TCN2: variants seen among roughly 807,000 people sequenced by gnomAD.
The protein encoded by TCN2 is transcobalamin 2, also known as transcobalamin-2.
In TCN2, 34 loss-of-function variants were observed where a neutral mutation model predicts 48.6. That is an observed-to-expected ratio of 0.70 (90% CI 0.53 to 0.93). The LOEUF is 0.93. Among genes scored for constraint, TCN2 ranks in the 40% least tolerant of loss-of-function variants. The pLI is 0.00. For missense variants in TCN2, 652 were observed against 526.1 expected (o/e 1.24, Z -2.34); for synonymous variants, 283 against 212.5 (o/e 1.33, Z -2.89).
chr22:30,618,646 C>T lies in TCN2; in HGVS notation c.1106+1151C>T, dbSNP rs111794001. On this transcript the variant is annotated intron_variant, in intron 7 of 8. Transcript: ENST00000215838. ...GATTACAGGCATGGGCCTCCGTGCC[C>T]GGCCATGTATTTATTTAGGCAAGGT... is the stretch of plus-strand genomic sequence containing the variant. 3.7e-3 allele frequency among the ~76,000 whole-genome samples: 556 copies of T among 149,786 alleles called. 2 individuals are homozygous for T. Among genetic ancestry groups the T allele is most frequent in the African/African-American group, 0.013 (524 of 40,748 alleles).
chr22:30,626,002 C>G (rs1238798171), intron 8 of TCN2, among the ~76,000 whole-genome samples: 1 of 152,164 alleles, frequency 6.6e-6, no homozygotes, highest in Non-Finnish European at 1.5e-5. Flanking sequence ...ACATCACCAA[C>G]AAGAGCAGCG....
Position 30,626,450 on chromosome 22 carries a change from G to C in TCN2, c.1223-10G>C. ...CAATTCGCCCCTCCTTGCTCAATCT[G>C]TTTCTGCAGGTATTGCTGACTACAG... is the stretch of plus-strand genomic sequence containing the variant. On this transcript the variant is annotated splice_polypyrimidine_tract_variant and intron_variant, in intron 8 of 8. Coordinates refer to ENST00000215838, the MANE Select transcript of TCN2 (RefSeq NM_000355.4). 1 of 1,614,132 alleles carries C rather than the reference G, an allele frequency of 6.2e-7. No homozygotes were observed.
Position 30,615,697 on chromosome 22 carries a change from C to T in TCN2, c.850C>T (p.Gln284Ter). 6 of 1,614,198 alleles carry T rather than the reference C, an allele frequency of 3.7e-6. No individual in the cohort carries two copies. Among genetic ancestry groups the T allele is most frequent in the Non-Finnish European group, 5.1e-6 (6 of 1,180,040 alleles). The change falls in exon 6 of 9, where the codon CAG becomes TAG. Residue 284 changes from glutamine to a stop codon, truncating the protein, a stop_gained. Coordinates refer to ENST00000215838, the MANE Select transcript of TCN2 (RefSeq NM_000355.4). LOFTEE classifies it high-confidence loss of function. Reference protein sequence around the residue: ...LLASLQDGAFQNALMISQLLP... With the variant: ...LLASLQDGAF ...GGCCAGTCTGCAGGATGGAGCCTTC[C>T]AGAATGCTCTCATGATTTCCCAGCT...
At position 30,622,920 on chromosome 22, in the gene TCN2, G is replaced by T. The variant is rs772598702; in HGVS notation, c.1107-48G>T. The T allele has an allele frequency of 2.5e-6, 4 of 1,595,590 alleles. No homozygotes were observed. The East Asian group carries it at 8.9e-5, about 36-fold the overall frequency. On this transcript the variant is annotated intron_variant, in intron 7 of 8. Coordinates refer to ENST00000215838, the MANE Select transcript of TCN2 (RefSeq NM_000355.4). ...TGGGTGAGCACTGCCTCTCCCCTTA[G>T]GGACAACAGCCACCTCTTCTCTCCC...
At chr22:30,615,158 C>T (rs2087593369) in intron 4 of TCN2, 143 bp from the exon 5 acceptor site, 1 of 834,574 alleles carries the variant, frequency 1.2e-6, no homozygotes, top group Non-Finnish European at 2.0e-6. Flanking sequence ...AGTTGGTGCC[C>T]TTAGCTGATC....
chr22:30,610,398 C>A, intron 1 of TCN2: 1 of 421,792 alleles, frequency 2.4e-6, no homozygotes, highest in Admixed American at 2.7e-5. Flanking sequence ...TTCAGCAGGG[C>A]ACCAAAGAGC....
intron 6 of TCN2, 46 bp from the exon 7 acceptor site, chr22:30,617,284 C>T: frequency 1.2e-6 from 2 of 1,612,866 alleles, no homozygotes; most frequent in Non-Finnish European, 1.7e-6. Flanking sequence ...ATAATCCAGG[C>T]TCTCTGTCCT....
At chr22:30,620,144 T>A (rs2087676438) in intron 7 of TCN2, among the ~76,000 whole-genome samples, 1 of 106,708 alleles carries the variant, frequency 9.4e-6, no homozygotes, top group Non-Finnish European at 2.0e-5. Context: ...ATGACAAAAC[T>A]TTTTTTTTTT....
intron 7 of TCN2, among the ~76,000 whole-genome samples, chr22:30,620,986 G>A (rs537620703): frequency 6.8e-6 from 1 of 146,812 alleles, no homozygotes; most frequent in Non-Finnish European, 1.5e-5. Flanking sequence ...ACCCCAAATA[G>A]GGTGGTGGTT....
intron 1 of TCN2, among the ~76,000 whole-genome samples, chr22:30,609,614 C>G (rs1435567213): frequency 3.3e-5 from 5 of 152,056 alleles, no homozygotes; most frequent in African/African-American, 1.2e-4. Flanking sequence ...CAGAGAGACA[C>G]AGGCTGAGAG....
In TCN2 at chr22:30,627,105, A is replaced by T. The variant is rs2145564671; in HGVS notation, c.*584A>T. 5.9e-6 allele frequency: 1 copy of T among 168,988 alleles called. No individual in the cohort carries two copies. The highest frequency in any genetic ancestry group is 1.5e-4 in the South Asian group (1 of 6,672). The allele number at this position is 168,988 out of a possible 1,614,324, so 10.5% of individuals were successfully genotyped here. A position where few individuals can be genotyped will look rare whatever the true frequency, so the allele number is the denominator to read the frequency against. The stretch of plus-strand genomic sequence containing the variant: ...ATACTCCTCAGGTGCAGGGGCAGGG[A>T]CAAGAGAAGGGGGAAGTAACCCCAT... On this transcript the variant is annotated 3_prime_UTR_variant, in exon 9 of 9. Transcript: ENST00000215838.
Position 30,626,213 on chromosome 22 carries a change from A to G in TCN2, c.1223-247A>G, listed in dbSNP as rs533451790. Among the ~76,000 whole-genome samples, 6 of 152,210 alleles carry G rather than the reference A, an allele frequency of 3.9e-5. No homozygotes were observed. In the East Asian group the frequency reaches 7.7e-4, roughly 20 times the overall value. ...TTCTCTTCCTGATGGTCCCTAGGGTATTACAAAGACAGTGGCCCTGCCTGT... is the reference window on the plus strand; with the variant it reads ...TTCTCTTCCTGATGGTCCCTAGGGTGTTACAAAGACAGTGGCCCTGCCTGT... On this transcript the variant is annotated intron_variant, in intron 8 of 8. Coordinates refer to ENST00000215838, the MANE Select transcript of TCN2 (RefSeq NM_000355.4).
rs1468238904 is a variant in TCN2 at position 30,624,057 on chromosome 22, C to T, written c.1222+974C>T. The stretch of plus-strand genomic sequence containing the variant: ...GTATACATATATACACACACACACA[C>T]ACACATATATATATATATATATATT... On this transcript the variant is annotated intron_variant, in intron 8 of 8. Transcript: ENST00000215838. Among the ~76,000 whole-genome samples, 3 of 15,888 alleles carry T rather than the reference C, an allele frequency of 1.9e-4. 1 individual carries two copies. Among genetic ancestry groups the T allele is most frequent in the African/African-American group, 1.2e-3 (2 of 1,692 alleles). 10.4% of individuals were successfully genotyped at this position (15,888 alleles called of 152,430 possible).
Position 30,610,951 on chromosome 22 carries a change from C to A in TCN2, c.145C>A (p.His49Asn). ...LPWMDRLSLE[H>N]LNPSIYVGLR... ...TTGGATGGACCGGCTTTCCCTGGAG[C>A]ACTTGAACCCCAGCATCTATGTGGG... The change falls in exon 2 of 9, where the codon CAC becomes AAC. Residue 49 changes from histidine (H) to asparagine (N), a missense_variant. Coordinates refer to ENST00000215838, the MANE Select transcript of TCN2 (RefSeq NM_000355.4). The A allele has an allele frequency of 6.2e-7, 1 of 1,614,180 alleles. No homozygotes were observed. The highest frequency in any genetic ancestry group is 1.7e-5 in the Admixed American group (1 of 60,014).
intron 7 of TCN2, 152 bp downstream of exon 7, chr22:30,617,647 C>A: frequency 1.9e-6 from 2 of 1,053,382 alleles, no homozygotes; most frequent in Non-Finnish European, 2.8e-6. Flanking sequence ...TTCTTGCCCA[C>A]GGTGTTATGG....
chr22:30,611,772 T>G (rs2087545384), intron 2 of TCN2, among the ~76,000 whole-genome samples: 1 of 152,214 alleles, frequency 6.6e-6, no homozygotes, highest in African/African-American at 2.4e-5. Flanking sequence ...CTTCCCAAAG[T>G]GTTGGGATTA....
chr22:30,619,398 A>G (rs2087664010), intron 7 of TCN2, among the ~76,000 whole-genome samples: 1 of 152,230 alleles, frequency 6.6e-6, no homozygotes, highest in Non-Finnish European at 1.5e-5. Flanking sequence ...AACTTTTATT[A>G]TGAAATAAGT....
chr22:30,607,627 G>A (rs1370224510), intron 1 of TCN2, among the ~76,000 whole-genome samples: 2 of 152,180 alleles, frequency 1.3e-5, no homozygotes, highest in Non-Finnish European at 2.9e-5. Context: ...AGCGCATACT[G>A]AGCCTTTTCT....
At chr22:30,611,130 G>C in intron 2 of TCN2, 67 bp downstream of exon 2, 1 of 1,605,640 alleles carries the variant, frequency 6.2e-7, no homozygotes, top group Middle Eastern at 1.7e-4. Flanking sequence ...TTGGGTACTA[G>C]TTTGGGCCTG....
Sources: gnomAD v4.1 joint callset for allele counts (sites outside exome capture counted in the v4.1 genomes callset) on GRCh38, gnomAD v4.1.1 for gene constraint, MANE v1.5 for transcripts, NCBI Gene and HGNC (gene_info 2026-07-23, HGNC 2026-07-21) for gene names.